ADORA2A: variants seen among roughly 807,000 people sequenced by gnomAD.
The protein encoded by ADORA2A is adenosine A2a receptor, also known as adenosine receptor A2a.
A neutral mutation model predicts 18.4 loss-of-function variants in ADORA2A; 11 were observed. The observed-to-expected ratio is 0.60, with a 90% CI of 0.38 to 0.99. ADORA2A has a LOEUF of 0.99. Ranked by LOEUF, ADORA2A falls within the 50% of genes least tolerant of loss-of-function variation. ADORA2A has a pLI of 0.01. For synonymous variants in ADORA2A, 218 were observed against 237.3 expected, an observed-to-expected ratio of 0.92 and a Z score of 0.75; for missense variants, 449 against 556.1, an observed-to-expected ratio of 0.81 and a Z score of 1.94.
chr22:24,433,772 G>A (rs751423161), intron 2 of ADORA2A, 36 bp downstream of exon 2: 3 of 1,575,902 alleles, frequency 1.9e-6, no homozygotes, highest in Non-Finnish European at 2.6e-6. Context: ...TGCAAAGGCT[G>A]TTGGTGCCCA....
chr22:24,440,037 G>A (rs193198977), intron 2 of ADORA2A, among the ~76,000 whole-genome samples: 2 of 152,178 alleles, frequency 1.3e-5, no homozygotes, highest in African/African-American at 4.8e-5. Flanking sequence ...AGGGTATGGA[G>A]TACAAGAGGC....
intron 1 of ADORA2A, among the ~76,000 whole-genome samples, chr22:24,428,021 C>T (rs1359840850): frequency 2.0e-5 from 3 of 152,186 alleles, no homozygotes; most frequent in Non-Finnish European, 2.9e-5. Flanking sequence ...TCTCTGGGTC[C>T]CGGGCCCAGC....
At chr22:24,436,135 G>C (rs147983457) in intron 2 of ADORA2A, among the ~76,000 whole-genome samples, 320 of 152,348 alleles carry the variant, frequency 2.1e-3, no homozygotes, top group African/African-American at 5.7e-3. Flanking sequence ...CTGGCCCGCA[G>C]GTCCCTTCGC....
At chr22:24,433,814 C>T in intron 2 of ADORA2A, 78 bp downstream of exon 2, 4 of 1,475,656 alleles carry the variant, frequency 2.7e-6, no homozygotes, top group Non-Finnish European at 3.7e-6. Context: ...CCAGGGTGAG[C>T]CTGGGATCAG....
intron 1 of ADORA2A, chr22:24,431,079 A>T (rs1007201619): frequency 2.2e-6 from 1 of 454,564 alleles, no homozygotes; most frequent in Non-Finnish European, 4.4e-6. Flanking sequence ...AGCATCAGGG[A>T]TAACTGTGTT....
At chr22:24,430,645 G>A (rs1345240072) in intron 1 of ADORA2A, among the ~76,000 whole-genome samples, 3 of 152,258 alleles carry the variant, frequency 2.0e-5, no homozygotes, top group Admixed American at 6.5e-5. Flanking sequence ...GCAGGGCTCT[G>A]GGTGATGGGA....
intron 1 of ADORA2A, chr22:24,432,809 G>T: frequency 6.5e-6 from 1 of 155,022 alleles, no homozygotes; most frequent in Non-Finnish European, 1.4e-5. Context: ...TCCTTGGGAG[G>T]GGTTTGTGTG....
chr22:24,433,541 T>C lies in ADORA2A; in HGVS notation c.137T>C (p.Val46Ala). The C allele has an allele frequency of 1.2e-6, 2 of 1,614,226 alleles. No individual in the cohort carries two copies. Among genetic ancestry groups the C allele is most frequent in the South Asian group, 1.1e-5 (1 of 91,086 alleles). Reference protein sequence around the residue: ...NLQNVTNYFVVSLAAADIAVG... With the variant: ...NLQNVTNYFVASLAAADIAVG... ...CAGAACGTCACCAACTACTTTGTGG[T>C]GTCACTGGCGGCGGCCGACATCGCA... The change falls in exon 2 of 3, where the codon GTG (valine) becomes GCG (alanine). Residue 46 changes from valine to alanine, a missense_variant. Coordinates refer to ENST00000337539, the MANE Select transcript of ADORA2A (RefSeq NM_000675.6).
chr22:24,431,005 T>C, intron 1 of ADORA2A: 1 of 395,084 alleles, frequency 2.5e-6, no homozygotes, highest in Non-Finnish European at 5.2e-6. Flanking sequence ...CTTGTACCTG[T>C]TGGGCAGGGG....
chr22:24,439,781 CTG>C (rs999810245), intron 2 of ADORA2A, among the ~76,000 whole-genome samples: 6 of 152,144 alleles, frequency 3.9e-5, no homozygotes, highest in Admixed American at 2.0e-4. Flanking sequence ...CTCAGGAAGA[CTG>C]AGTGATTTCG....
At chr22:24,435,905 G>A (rs2043161784) in intron 2 of ADORA2A, among the ~76,000 whole-genome samples, 1 of 150,510 alleles carries the variant, frequency 6.6e-6, no homozygotes. Context: ...GCCCTGGAGA[G>A]GATGACGACG....
rs2043349097 is a variant in ADORA2A, at chr22:24,441,713, CCAGGTGGGGGCCACAGCACCAG to C, written c.*228_*249del. ...ATGTTTCATGCTGTGAGGCCTTGCACCAGGTGGGGGCCACAGCACCAGCAGCATCTTTGCTGGGCAGGGCCCA... is the reference window on the plus strand; with the variant it reads ...ATGTTTCATGCTGTGAGGCCTTGCACCAGCATCTTTGCTGGGCAGGGCCCA... On this transcript the variant is annotated 3_prime_UTR_variant, in exon 3 of 3. Transcript: ENST00000337539. The C allele has an allele frequency of 9.4e-6, 4 of 425,268 alleles. No individual in the cohort carries two copies. The highest frequency in any genetic ancestry group is 1.6e-5 in the Non-Finnish European group (4 of 242,774). The allele number at this position is 425,268 out of a possible 1,614,324, so 26.3% of individuals were successfully genotyped here.
chr22:24,433,542 G>A lies in ADORA2A; in HGVS notation c.138G>A (p.Val46=), dbSNP rs1003769697. 4 of 1,614,082 alleles carry A rather than the reference G, an allele frequency of 2.5e-6. No homozygotes were observed. The highest frequency in any genetic ancestry group is 1.1e-5 in the South Asian group (1 of 91,092). ...AGAACGTCACCAACTACTTTGTGGTGTCACTGGCGGCGGCCGACATCGCAG... is the reference window on the plus strand; with the variant it reads ...AGAACGTCACCAACTACTTTGTGGTATCACTGGCGGCGGCCGACATCGCAG... The part of the protein sequence containing the change: ...NLQNVTNYFV[V]SLAAADIAVG... Residue 46 remains valine (V), a synonymous_variant, in exon 2 of 3, where the codon GTG becomes GTA. Coordinates refer to ENST00000337539, the MANE Select transcript of ADORA2A (RefSeq NM_000675.6).
At chr22:24,424,912 G>A (rs1210315916), upstream of ADORA2A, among the ~76,000 whole-genome samples, 1 of 152,082 alleles carries the variant, frequency 6.6e-6, no homozygotes, top group Non-Finnish European at 1.5e-5. This position sits in a 1 kb window ranked among gnomAD's most constrained non-coding sequence, Gnocchi z 4.9. Flanking sequence ...GAGGAAGAGG[G>A]AGACCCAGGG....
Position 24,433,521 on chromosome 22 carries a change from C to T in ADORA2A, c.117C>T (p.Asn39=), listed in dbSNP as rs757676705. The T allele has an allele frequency of 1.4e-5, 23 of 1,614,110 alleles. No homozygotes were observed. The highest frequency in any genetic ancestry group is 1.1e-4 in the East Asian group (5 of 44,900). The change falls in exon 2 of 3, where the codon AAC becomes AAT. Residue 39 remains asparagine (N), a synonymous_variant. Coordinates refer to ENST00000337539, the MANE Select transcript of ADORA2A (RefSeq NM_000675.6). ...WAVWLNSNLQ[N]VTNYFVVSLA... is the part of the protein sequence containing the mutation. The stretch of plus-strand genomic sequence containing the variant: ...TGTGGCTCAACAGCAACCTGCAGAA[C>T]GTCACCAACTACTTTGTGGTGTCAC...
At chr22:24,439,822 T>A (rs1221108031) in intron 2 of ADORA2A, among the ~76,000 whole-genome samples, 1 of 152,164 alleles carries the variant, frequency 6.6e-6, no homozygotes, top group African/African-American at 2.4e-5. Flanking sequence ...TGGACCTCAG[T>A]ATTTCCTTGC....
chr22:24,441,276 G>T lies in ADORA2A; in HGVS notation c.1026G>T (p.Pro342=). The T allele has an allele frequency of 6.2e-7, 1 of 1,612,566 alleles. No homozygotes were observed. The highest frequency in any genetic ancestry group is 8.5e-7 in the Non-Finnish European group (1 of 1,179,340). Residue 342 remains proline (P), a synonymous_variant, in exon 3 of 3, where the codon CCG becomes CCT. Transcript: ENST00000337539. Reference sequence around the variant, plus strand: ...TCAGCCTCCGTCTCAACGGCCACCCGCCAGGAGTGTGGGCCAACGGCAGTG... The same window carrying T: ...TCAGCCTCCGTCTCAACGGCCACCCTCCAGGAGTGTGGGCCAACGGCAGTG... ...EQVSLRLNGH[P]PGVWANGSAP... is the part of the protein sequence containing the mutation.
At position 24,433,723 on chromosome 22, in the gene ADORA2A, C is replaced by T. The variant is rs200937140; in HGVS notation, c.319C>T (p.Arg107Cys). Reference protein sequence around the residue: ...AIAIDRYIAIRIPLRYNGLVT... With the variant: ...AIAIDRYIAICIPLRYNGLVT... ...CGCCATTGACCGCTACATTGCCATC[C>T]GCATCCCGCTCCGGTGAGCAGGGCC... is the stretch of plus-strand genomic sequence containing the variant. The change falls in exon 2 of 3, where the codon CGC (arginine) becomes TGC (cysteine). Residue 107 changes from arginine to cysteine, a missense_variant. Arg to Cys is a radical substitution (Grantham distance 180). Coordinates refer to ENST00000337539, the MANE Select transcript of ADORA2A (RefSeq NM_000675.6). 1.1e-5 allele frequency: 18 copies of T among 1,606,622 alleles called. No homozygotes were observed. Among genetic ancestry groups the T allele is most frequent in the African/African-American group, 6.7e-5 (5 of 75,070 alleles).
At chr22:24,437,112 C>G (rs773936473) in intron 2 of ADORA2A, among the ~76,000 whole-genome samples, 57 of 152,178 alleles carry the variant, frequency 3.7e-4, no homozygotes, top group Non-Finnish European at 5.7e-4. Flanking sequence ...CATAAAGCCC[C>G]AGCTGGAATC....
Sources: gnomAD v4.1 joint callset for allele counts (sites outside exome capture counted in the v4.1 genomes callset) on GRCh38, gnomAD v4.1.1 for gene constraint, Gnocchi (gnomAD v3.1) non-coding constraint, MANE v1.5 for transcripts, NCBI Gene and HGNC (gene_info 2026-07-23, HGNC 2026-07-21) for gene names.